IPPK: variants seen among roughly 807,000 people sequenced by gnomAD.
IPPK encodes inositol-pentakisphosphate 2-kinase.
Under a neutral mutation model 64.6 loss-of-function variants are expected in IPPK, and 22 were observed. The ratio of observed to expected loss-of-function variants is 0.34; its 90% CI spans 0.24 to 0.49. IPPK has a LOEUF of 0.49. IPPK is among the 20% of genes least tolerant of loss of function. The probability of loss-of-function intolerance (pLI) is 0.99; values close to 1 mark genes in which losing one functional copy is unlikely to be tolerated. For synonymous variants in IPPK, 262 were observed against 247.2 expected (o/e 1.06, Z -0.56); for missense variants, 532 against 630.7 (o/e 0.84, Z 1.68).
chr9:92,616,961 G>A (rs1451224383), intron 12 of IPPK: 3 of 152,208 alleles, frequency 2.0e-5, no homozygotes, highest in East Asian at 1.9e-4. Flanking sequence ...CTGCCGAGGA[G>A]AGGAAATACT....
In IPPK at chr9:92,616,077, T is replaced by G. The variant is rs760599694; in HGVS notation, c.1251-20A>C. On this transcript the variant is annotated intron_variant, in intron 12 of 12. Transcript: ENST00000287996. ...TCAGAGCTGCAAGTAAAAAGTACCA[T>G]TTCAGGATACACAAGCCCCCCATTC... is the stretch of plus-strand genomic sequence containing the variant. 3.3e-5 allele frequency: 51 copies of G among 1,559,016 alleles called. No homozygotes were observed. The East Asian group carries it at 9.9e-4, about 30-fold the overall frequency.
At chr9:92,620,561 T>TA (rs1312723114) in intron 11 of IPPK, 1 of 152,270 alleles carries the variant, frequency 6.6e-6, no homozygotes, top group Non-Finnish European at 1.5e-5. Flanking sequence ...CTGGCCTCAA[T>TA]ATTTGTACTG....
Position 92,642,778 on chromosome 9 carries a change from T to C in IPPK, c.537A>G (p.Lys179=). 1.2e-6 allele frequency: 2 copies of C among 1,614,114 alleles called. No homozygotes were observed. The highest frequency in any genetic ancestry group is 1.1e-5 in the South Asian group (1 of 91,090). ...CTGAGTAGAGATCAAGGGGACAGTA[T>C]TTGCTGATCTGCTTCCACTTCCCAG... ...VATGKWKQIS[K]YCPLDLYSGN... The change falls in exon 7 of 13, where the codon AAA becomes AAG. Residue 179 remains lysine (K), a synonymous_variant. Transcript: ENST00000287996.
intron 11 of IPPK, among the ~76,000 whole-genome samples, chr9:92,629,726 G>T (rs1397020618): frequency 6.9e-6 from 1 of 144,582 alleles, no homozygotes; most frequent in East Asian, 2.0e-4. Context: ...AAAAAAAAAA[G>T]TAGGCAAAGG....
intron 11 of IPPK, among the ~76,000 whole-genome samples, chr9:92,624,443 A>C (rs1851699081): frequency 6.6e-6 from 1 of 151,730 alleles, no homozygotes; most frequent in African/African-American, 2.4e-5. Flanking sequence ...TGGGTGACAG[A>C]GCAAGACTCC....
rs185270401 is a variant in IPPK, at chr9:92,613,557, T to C, written c.*2275A>G. 1.0e-3 allele frequency: 207 copies of C among 206,772 alleles called. No individual in the cohort carries two copies. Among genetic ancestry groups the C allele is most frequent in the African/African-American group, 4.3e-3 (187 of 43,492 alleles). The allele number at this position is 206,772 out of a possible 1,614,324, so 12.8% of individuals were successfully genotyped here. A position where few individuals can be genotyped will look rare whatever the true frequency, so the allele number is the denominator to read the frequency against. On this transcript the variant is annotated 3_prime_UTR_variant, in exon 13 of 13. Coordinates refer to ENST00000287996, the MANE Select transcript of IPPK (RefSeq NM_022755.6). ...GCCTCCTGGGGGCTCTGGAGACGGA[T>C]GCCTATGGCGCCTCATCTTTAAACT...
At chr9:92,632,094 C>T (rs147237216) in intron 11 of IPPK, among the ~76,000 whole-genome samples, 38 of 152,306 alleles carry the variant, frequency 2.5e-4, no homozygotes, top group African/African-American at 8.9e-4. Flanking sequence ...TATGAATGCA[C>T]AGTCTGTCTG....
chr9:92,635,654 A>G lies in IPPK; in HGVS notation c.917-346T>C, dbSNP rs1851928377. 6.6e-6 allele frequency among the ~76,000 whole-genome samples: 1 copy of G among 152,008 alleles called. No individual in the cohort carries two copies. The stretch of plus-strand genomic sequence containing the variant: ...CAACAGCCCTGGAAGTCACTTTATG[A>G]TCTAAGTTTAGACATAATCCTCATT... On this transcript the variant is annotated intron_variant, in intron 9 of 12. Coordinates refer to ENST00000287996, the MANE Select transcript of IPPK (RefSeq NM_022755.6). This position sits in a 1 kb window ranked among gnomAD's most constrained non-coding sequence, Gnocchi z 4.4.
At chr9:92,649,339 G>A in intron 5 of IPPK, 114 bp downstream of exon 5, 1 of 1,231,244 alleles carries the variant, frequency 8.1e-7, no homozygotes, top group African/African-American at 1.5e-5. Flanking sequence ...GGAGCCAAGG[G>A]TGCCTACCAC....
chr9:92,649,440 C>G lies in IPPK; in HGVS notation c.414+13G>C, dbSNP rs1258417827. On this transcript the variant is annotated intron_variant, in intron 5 of 12. Coordinates refer to ENST00000287996, the MANE Select transcript of IPPK (RefSeq NM_022755.6). ...TCCCCTTTACCCACACCATCTGCCCCTCGACAGGTCACCTTAATCTCTACA... is the reference window on the plus strand; with the variant it reads ...TCCCCTTTACCCACACCATCTGCCCGTCGACAGGTCACCTTAATCTCTACA... 1 of 1,613,888 alleles carries G rather than the reference C, an allele frequency of 6.2e-7. No homozygotes were observed. Among genetic ancestry groups the G allele is most frequent in the Non-Finnish European group, 8.5e-7 (1 of 1,179,892 alleles).
intron 8 of IPPK, among the ~76,000 whole-genome samples, chr9:92,640,448 G>A (rs1197116291): frequency 6.6e-6 from 1 of 152,150 alleles, no homozygotes; most frequent in South Asian, 2.1e-4. Flanking sequence ...TGGGGCTTTG[G>A]TCGAGCACCC....
chr9:92,649,526 C>T lies in IPPK; in HGVS notation c.341G>A (p.Cys114Tyr), dbSNP rs1218527700. Residue 114 changes from cysteine to tyrosine, a missense_variant, in exon 5 of 13, where the codon TGC (cysteine) becomes TAC (tyrosine). Physicochemically the swap from Cys to Tyr is radical, Grantham distance 194 (BLOSUM62 -2). Coordinates refer to ENST00000287996, the MANE Select transcript of IPPK (RefSeq NM_022755.6). Reference protein sequence around the residue: ...DLDTLSGYAMCLPNLTRLQTY... With the variant: ...DLDTLSGYAMYLPNLTRLQTY... Reference sequence around the variant, plus strand: ...TTGGAGTCTGGTTAAATTAGGAAGGCACATAGCGTAACCACTGAGAGTATC... The same window carrying T: ...TTGGAGTCTGGTTAAATTAGGAAGGTACATAGCGTAACCACTGAGAGTATC... The T allele has an allele frequency of 6.2e-7, 1 of 1,614,008 alleles. No individual in the cohort carries two copies. Among genetic ancestry groups the T allele is most frequent in the Non-Finnish European group, 8.5e-7 (1 of 1,180,010 alleles).
At chr9:92,631,026 T>C (rs1475048040) in intron 11 of IPPK, among the ~76,000 whole-genome samples, 1 of 152,148 alleles carries the variant, frequency 6.6e-6, no homozygotes, top group Non-Finnish European at 1.5e-5. Context: ...TGAGCTACAG[T>C]GGCCAGGCCG....
chr9:92,621,084 C>T (rs915100597), intron 11 of IPPK, among the ~76,000 whole-genome samples: 16 of 152,162 alleles, frequency 1.1e-4, no homozygotes, highest in African/African-American at 7.2e-5. Context: ...GGCTGGCTTG[C>T]GCTCTGGGGT....
intron 6 of IPPK, among the ~76,000 whole-genome samples, chr9:92,644,800 G>A (rs1051246138): frequency 6.6e-6 from 1 of 152,126 alleles, no homozygotes; most frequent in Admixed American, 6.5e-5. Flanking sequence ...AGAGGGAGTA[G>A]AATCTAATTC....
rs769544473 is a variant in IPPK at position 92,619,576 on chromosome 9, G to C, written c.1171-11C>G. On this transcript the variant is annotated splice_polypyrimidine_tract_variant and intron_variant, in intron 11 of 12. Coordinates refer to ENST00000287996, the MANE Select transcript of IPPK (RefSeq NM_022755.6). ...GCGGTACTGCTGCACCTGCAGGGGCGGGAAAGATCAGCTCCAGGTCACACA... is the reference window on the plus strand; with the variant it reads ...GCGGTACTGCTGCACCTGCAGGGGCCGGAAAGATCAGCTCCAGGTCACACA... The C allele has an allele frequency of 1.9e-6, 3 of 1,569,662 alleles. No individual in the cohort carries two copies. The highest frequency in any genetic ancestry group is 1.9e-5 in the Admixed American group (1 of 52,554).
At chr9:92,648,943 C>A (rs1000464407) in intron 5 of IPPK, among the ~76,000 whole-genome samples, 12 of 152,248 alleles carry the variant, frequency 7.9e-5, no homozygotes, top group African/African-American at 2.2e-4. Context: ...GAGGGTCACA[C>A]TGGCCTTTGT....
At chr9:92,641,161 A>G (rs551713824) in intron 7 of IPPK, among the ~76,000 whole-genome samples, 2 of 152,212 alleles carry the variant, frequency 1.3e-5, no homozygotes, top group Non-Finnish European at 2.9e-5. Context: ...TCCTGCCGCA[A>G]CTTCCAAAGG....
chr9:92,660,212 T>A (rs930353431), intron 1 of IPPK, among the ~76,000 whole-genome samples: 3 of 152,170 alleles, frequency 2.0e-5, no homozygotes, highest in Non-Finnish European at 4.4e-5. Context: ...CCTCCAACAA[T>A]TAGGCATCAA....
Sources: allele counts gnomAD v4.1 joint callset (sites outside exome capture counted in the v4.1 genomes callset), GRCh38; gene constraint gnomAD v4.1.1; non-coding constraint Gnocchi (gnomAD v3.1); transcripts MANE v1.5; gene names NCBI Gene and HGNC (gene_info 2026-07-23, HGNC 2026-07-21).